The following COL5A2 variants were observed in gnomAD, a reference collection of about 807,000 sequenced individuals.
The protein encoded by COL5A2 is collagen type V alpha 2 chain.
A neutral mutation model predicts 208.2 loss-of-function variants in COL5A2; 23 were observed. The ratio of observed to expected loss-of-function variants is 0.11; its 90% CI spans 0.08 to 0.16. The LOEUF is 0.16. Among genes scored for constraint, COL5A2 ranks in the 10% least tolerant of loss-of-function variants. COL5A2 has a pLI of 1.00. For missense variants in COL5A2, 1,590 were observed against 1,956.4 expected, an observed-to-expected ratio of 0.81 and a Z score of 3.53; for synonymous variants, 625 against 628.5, an observed-to-expected ratio of 0.99 and a Z score of 0.08.
chr2:189,304,363 C>G, the COL5A2 span, among the ~76,000 whole-genome samples: 3 of 152,134 alleles, frequency 2.0e-5, no homozygotes, highest in African/African-American at 4.8e-5. Context: ...TTGTATTAGT[C>G]TGTTCTTGCA....
At chr2:189,133,334 T>C (rs1238368662) in intron 1 of COL5A2, among the ~76,000 whole-genome samples, 1 of 151,804 alleles carries the variant, frequency 6.6e-6, no homozygotes, top group African/African-American at 2.4e-5. Flanking sequence ...TTGGCCAGGA[T>C]GATCTCGATC....
chr2:189,062,076 A>T (rs1164236733), intron 29 of COL5A2, among the ~76,000 whole-genome samples: 2 of 152,078 alleles, frequency 1.3e-5, no homozygotes, highest in African/African-American at 4.8e-5. Flanking sequence ...CCCCAAAAAA[A>T]TATGCCAAAA....
the COL5A2 span, among the ~76,000 whole-genome samples, chr2:189,361,856 AC>A: frequency 2.0e-5 from 3 of 151,936 alleles, no homozygotes; most frequent in African/African-American, 7.2e-5. Context: ...ATAATGACTT[AC>A]CTTTGATCAC....
intron 16 of COL5A2, 46 bp downstream of exon 16, chr2:189,078,470 T>C (rs201791876): frequency 3.6e-4 from 519 of 1,454,322 alleles, no homozygotes; most frequent in Non-Finnish European, 4.8e-4. Context: ...TGAAAATGAA[T>C]TGAAATACAC....
the COL5A2 span, among the ~76,000 whole-genome samples, chr2:189,312,976 A>C: frequency 6.6e-6 from 1 of 152,162 alleles, no homozygotes; most frequent in Non-Finnish European, 1.5e-5. Context: ...AAAACATTGC[A>C]GGAGCTGACA....
chr2:189,355,875 T>C, the COL5A2 span, among the ~76,000 whole-genome samples: 13 of 152,242 alleles, frequency 8.5e-5, no homozygotes, highest in African/African-American at 3.1e-4. Flanking sequence ...ATAGTGTCGA[T>C]GGTCTTTACA....
rs114626341 is a variant in COL5A2, at chr2:189,037,101, T to C, written c.3926-298A>G. On this transcript the variant is annotated intron_variant, in intron 51 of 53. Transcript: ENST00000374866. ...AACCATACCGAAAAGAGAAAATCTA[T>C]AGTAAGCGGCTTTACCAAAATAGAT... Among the ~76,000 whole-genome samples the C allele has an allele frequency of 1.9e-3, 282 of 152,254 alleles. 1 individual carries two copies. The highest frequency in any genetic ancestry group is 6.2e-3 in the African/African-American group (259 of 41,572).
intron 1 of COL5A2, among the ~76,000 whole-genome samples, chr2:189,201,816 G>T (rs1396728436): frequency 6.6e-6 from 1 of 151,794 alleles, no homozygotes; most frequent in African/African-American, 2.4e-5. Flanking sequence ...ATTCTCAAGA[G>T]ATATGCTTTA....
At chr2:189,395,392 T>G in the COL5A2 span, among the ~76,000 whole-genome samples, 19 of 152,220 alleles carry the variant, frequency 1.2e-4, no homozygotes, top group Non-Finnish European at 1.5e-5. Context: ...CAAATTTTAG[T>G]ATCTCTTTTT....
chr2:189,153,889 G>A (rs962789252), intron 1 of COL5A2, among the ~76,000 whole-genome samples: 1 of 152,012 alleles, frequency 6.6e-6, no homozygotes, highest in Non-Finnish European at 1.5e-5. Context: ...TCACTGGTAA[G>A]ACGCATTTTC....
intron 4 of COL5A2, among the ~76,000 whole-genome samples, chr2:189,099,427 C>G (rs938397548): frequency 6.6e-6 from 1 of 152,004 alleles, no homozygotes; most frequent in South Asian, 2.1e-4. Flanking sequence ...GAGTTGAAGA[C>G]CAGCCCGGCC....
intron 1 of COL5A2, among the ~76,000 whole-genome samples, chr2:189,141,204 T>C (rs1414318486): frequency 6.6e-6 from 1 of 152,122 alleles, no homozygotes; most frequent in Non-Finnish European, 1.5e-5. Flanking sequence ...GCTGGAAATA[T>C]AGTGTGCAGT....
At chr2:189,415,657 T>C in the COL5A2 span, among the ~76,000 whole-genome samples, 1 of 152,172 alleles carries the variant, frequency 6.6e-6, no homozygotes, top group Non-Finnish European at 1.5e-5. Flanking sequence ...GAATGGAATA[T>C]ATATACATTT....
intron 1 of COL5A2, among the ~76,000 whole-genome samples, chr2:189,142,446 T>G (rs552973925): frequency 1.6e-4 from 25 of 152,252 alleles, no homozygotes; most frequent in African/African-American, 5.8e-4. Flanking sequence ...TTTATACAAA[T>G]GTACTATACA....
intron 9 of COL5A2, among the ~76,000 whole-genome samples, 175 bp downstream of exon 9, chr2:189,086,551 G>T (rs1275690599): frequency 6.6e-6 from 1 of 152,100 alleles, no homozygotes; most frequent in Non-Finnish European, 1.5e-5. Flanking sequence ...ACTTTGCAAA[G>T]ACATGTGGCA....
Position 189,171,751 on chromosome 2 carries a change from G to C in COL5A2, c.97+7757C>G, listed in dbSNP as rs138605418. Among the ~76,000 whole-genome samples the C allele has an allele frequency of 7.2e-5, 11 of 152,272 alleles. No homozygotes were observed. In the East Asian group the frequency reaches 2.1e-3, roughly 29 times the overall value. ...TCTAAAGTTCATGTGAAAGATTGGG[G>C]TTGAAGAGATGTTATAATTATCAGC... On this transcript the variant is annotated intron_variant, in intron 1 of 53. Transcript: ENST00000374866.
chr2:189,432,459 T>C, the COL5A2 span, among the ~76,000 whole-genome samples: 1 of 152,066 alleles, frequency 6.6e-6, no homozygotes. Flanking sequence ...GAGACACACA[T>C]AGGCTCAAAA....
At chr2:189,319,475 C>T in the COL5A2 span, among the ~76,000 whole-genome samples, 35 of 152,364 alleles carry the variant, frequency 2.3e-4, no homozygotes, top group South Asian at 4.1e-4. Context: ...ACTAATACTG[C>T]GCTTTTCCAA....
intron 19 of COL5A2, 65 bp from the exon 20 acceptor site, chr2:189,068,335 A>G: frequency 7.6e-7 from 1 of 1,313,500 alleles, no homozygotes; most frequent in East Asian, 2.3e-5. Context: ...ATGTGCTAGT[A>G]TACAGATGTC....
Sources: gnomAD v4.1 joint callset for allele counts (sites outside exome capture counted in the v4.1 genomes callset) on GRCh38, gnomAD v4.1.1 for gene constraint, MANE v1.5 for transcripts, NCBI Gene and HGNC (gene_info 2026-07-23, HGNC 2026-07-21) for gene names.